Variants in NRDC observed in about 807,000 individuals in gnomAD.
The protein encoded by NRDC is nardilysin.
In NRDC, 54 loss-of-function variants were observed where a neutral mutation model predicts 147.1. The ratio of observed to expected loss-of-function variants is 0.37; its 90% CI spans 0.29 to 0.46. The LOEUF (loss-of-function observed/expected upper bound fraction) is 0.46, where lower values mean the gene tolerates loss of function less well. Ranked by LOEUF, NRDC falls within the 20% of genes least tolerant of loss-of-function variation. NRDC has a pLI of 1.00. For synonymous variants in NRDC, 440 were observed against 482.1 expected (o/e 0.91, Z 1.14); for missense variants, 1,082 against 1,370.6 (o/e 0.79, Z 3.33).
intron 1 of NRDC, among the ~76,000 whole-genome samples, chr1:51,863,013 G>GAAAAAAA (rs562410956): frequency 2.8e-4 from 9 of 32,048 alleles, no homozygotes; most frequent in East Asian, 1.0e-3. Context: ...CTGTGTGGAG[G>GAAAAAAA]AAAAAAAAAA....
Position 51,794,500 on chromosome 1 carries a change from G to A in NRDC, c.2747C>T (p.Ala916Val). The A allele has an allele frequency of 6.2e-7, 1 of 1,614,156 alleles. No homozygotes were observed. Among genetic ancestry groups the A allele is most frequent in the Non-Finnish European group, 8.5e-7 (1 of 1,180,010 alleles). Residue 916 changes from alanine to valine, a missense_variant, in exon 24 of 31, where the codon GCC becomes GTC. Coordinates refer to ENST00000352171, the MANE Select transcript of NRDC (RefSeq NM_001101662.2). ...CKVKALNKGDANSEVTVYYQS... is the reference protein window; with the variant it reads ...CKVKALNKGDVNSEVTVYYQS... ...GTAGTACACAGTGACTTCAGAGTTG[G>A]CATCACCCTTGTTCAGAGCTTTCAC...
At chr1:51,792,447 C>G in intron 24 of NRDC, 23 bp from the exon 25 acceptor site, 2 of 1,612,446 alleles carry the variant, frequency 1.2e-6, no homozygotes, top group Non-Finnish European at 1.7e-6. Flanking sequence ...GGTTGTCAGG[C>G]CAACTGAATA....
chr1:51,800,264 T>C (rs1679129710), intron 21 of NRDC, among the ~76,000 whole-genome samples: 1 of 152,192 alleles, frequency 6.6e-6, no homozygotes, highest in African/African-American at 2.4e-5. Flanking sequence ...TAAGCTACCA[T>C]GCCCGGCCTA....
chr1:51,810,430 A>G (rs1187542450), intron 15 of NRDC, 26 bp from the exon 16 acceptor site: 12 of 1,600,122 alleles, frequency 7.5e-6, no homozygotes, highest in Non-Finnish European at 1.0e-5. Flanking sequence ...GAGGGGAAAG[A>G]GATACACACA....
intron 1 of NRDC, among the ~76,000 whole-genome samples, chr1:51,858,383 G>A (rs1682361105): frequency 6.6e-6 from 1 of 151,878 alleles, no homozygotes; most frequent in Non-Finnish European, 1.5e-5. Context: ...GGAGGCTGAG[G>A]TGGGAAATTC....
At chr1:51,842,044 C>A (rs58316030) in intron 1 of NRDC, among the ~76,000 whole-genome samples, 8 of 151,994 alleles carry the variant, frequency 5.3e-5, no homozygotes, top group Admixed American at 2.0e-4. Flanking sequence ...TGGTGGCATG[C>A]GCCTGTAGTC....
intron 1 of NRDC, 40 bp downstream of exon 1, chr1:51,878,235 G>C: frequency 1.3e-6 from 2 of 1,565,382 alleles, no homozygotes; most frequent in Non-Finnish European, 1.7e-6. Flanking sequence ...AGAGAAGCCG[G>C]CACACTGTTC....
Position 51,812,167 on chromosome 1 carries a change from A to AT in NRDC, c.1675-70_1675-69insA. ...TATATTTGATTTACCACAACATACA[A>AT]ATACTTTCTCCCTTTCTTATTAACA... On this transcript the variant is annotated intron_variant, in intron 14 of 30. Coordinates refer to ENST00000352171, the MANE Select transcript of NRDC (RefSeq NM_001101662.2). 8.4e-6 allele frequency: 9 copies of AT among 1,077,304 alleles called. No individual in the cohort carries two copies. The South Asian group carries it at 1.2e-4, about 14-fold the overall frequency. The allele number at this position is 1,077,304 out of a possible 1,614,324, so 66.7% of individuals were successfully genotyped here.
In NRDC at chr1:51,840,391, AT is replaced by A. The variant is rs1557922830; in HGVS notation, c.464del (p.Asp155ValfsTer10). 2.0e-6 allele frequency: 3 copies of A among 1,536,276 alleles called. No homozygotes were observed. Among genetic ancestry groups the A allele is most frequent in the Non-Finnish European group, 2.7e-6 (3 of 1,109,706 alleles). ...EEEEVEEEEE[D>X]DDEDSGAEIE... The stretch of plus-strand genomic sequence containing the variant: ...TTTCAGCTCCAGAATCTTCATCATC[AT>A]CTTCTTCTTCTTCCTCCACCTCCTC... On this transcript the variant is annotated frameshift_variant, in exon 2 of 31. Coordinates refer to ENST00000352171, the MANE Select transcript of NRDC (RefSeq NM_001101662.2). LOFTEE classifies it high-confidence loss of function.
intron 22 of NRDC, 36 bp from the exon 23 acceptor site, chr1:51,794,890 C>T (rs1378813811): frequency 6.2e-7 from 1 of 1,611,180 alleles, no homozygotes; most frequent in Non-Finnish European, 8.5e-7. Flanking sequence ...ATTAAGCTCT[C>T]TAGACATTCA....
At chr1:51,860,831 T>C (rs1456964207) in intron 1 of NRDC, among the ~76,000 whole-genome samples, 1 of 152,234 alleles carries the variant, frequency 6.6e-6, no homozygotes, top group Non-Finnish European at 1.5e-5. Context: ...TGTGGGACAC[T>C]ATCAGCCTTA....
intron 20 of NRDC, among the ~76,000 whole-genome samples, chr1:51,802,738 T>C (rs574732311): frequency 9.2e-5 from 14 of 152,216 alleles, no homozygotes; most frequent in Admixed American, 5.2e-4. Context: ...AGAGCTATAC[T>C]CTTCTCTTGG....
chr1:51,800,005 A>G (rs367966127), intron 21 of NRDC, among the ~76,000 whole-genome samples: 1 of 152,192 alleles, frequency 6.6e-6, no homozygotes, highest in Non-Finnish European at 1.5e-5. Context: ...GACAGGGTCT[A>G]TCTCTGTCAT....
chr1:51,858,783 A>G (rs1682387020), intron 1 of NRDC, among the ~76,000 whole-genome samples: 1 of 152,202 alleles, frequency 6.6e-6, no homozygotes, highest in Non-Finnish European at 1.5e-5. Flanking sequence ...CTACCCAACT[A>G]AAATATACCT....
chr1:51,807,050 TTAG>T (rs34531885), intron 17 of NRDC, 137 bp from the exon 18 acceptor site: 629,957 of 904,910 alleles, frequency 0.7, 224,692 homozygotes, highest in East Asian at 0.97. Context: ...ATACATTAAA[TTAG>T]TAGACCAATA....
chr1:51,870,755 C>G (rs558790243), intron 1 of NRDC, among the ~76,000 whole-genome samples: 5 of 152,006 alleles, frequency 3.3e-5, no homozygotes, highest in African/African-American at 7.2e-5. Context: ...ATCTAAGAAT[C>G]TATTATTATT....
At chr1:51,799,271 G>A (rs1679076439) in intron 21 of NRDC, 1 of 152,028 alleles carries the variant, frequency 6.6e-6, no homozygotes, top group African/African-American at 2.4e-5. Context: ...AGGTATACAT[G>A]TACCATGTTA....
intron 1 of NRDC, among the ~76,000 whole-genome samples, chr1:51,846,508 C>T (rs975274431): frequency 6.6e-6 from 1 of 152,212 alleles, no homozygotes; most frequent in Non-Finnish European, 1.5e-5. Flanking sequence ...GCCGCGGAGC[C>T]CCGCGGTGAG....
intron 1 of NRDC, among the ~76,000 whole-genome samples, chr1:51,867,969 C>G (rs563393353): frequency 1.3e-5 from 2 of 152,208 alleles, no homozygotes; most frequent in African/African-American, 4.8e-5. Flanking sequence ...GGGGATGATC[C>G]AGTAAAAGAC....
Sources: gnomAD v4.1 joint callset for allele counts (sites outside exome capture counted in the v4.1 genomes callset) on GRCh38, gnomAD v4.1.1 for gene constraint, MANE v1.5 for transcripts, NCBI Gene and HGNC (gene_info 2026-07-23, HGNC 2026-07-21) for gene names.